LRP1B: variants seen among roughly 807,000 people sequenced by gnomAD.
The protein encoded by LRP1B is LDL receptor related protein 1B.
LRP1B carries 217 observed loss-of-function variants against 556.6 expected under a neutral mutation model. That is an observed-to-expected ratio of 0.39 (90% CI 0.35 to 0.44). The LOEUF is 0.44. Among genes scored for constraint, LRP1B ranks in the 20% least tolerant of loss-of-function variants. The probability of loss-of-function intolerance (pLI) is 1.00; values close to 1 mark genes in which losing one functional copy is unlikely to be tolerated. For missense variants in LRP1B, 5,053 were observed against 5,620.8 expected, an observed-to-expected ratio of 0.90 and a Z score of 3.23; for synonymous variants, 2,047 against 1,865.8, an observed-to-expected ratio of 1.10 and a Z score of -2.50.
At position 141,100,293 on chromosome 2, in the gene LRP1B, G is replaced by T. The variant is rs948779354; in HGVS notation, c.1014-38020C>A. Reference sequence around the variant, plus strand: ...ACTCAATAATCTCAGGTAACAGAATGTTGAATGGAGCTTTTCTTTGACCTT... The same window carrying T: ...ACTCAATAATCTCAGGTAACAGAATTTTGAATGGAGCTTTTCTTTGACCTT... On this transcript the variant is annotated intron_variant, in intron 7 of 90. Transcript: ENST00000389484. Among the ~76,000 whole-genome samples, 7 of 152,322 alleles carry T rather than the reference G, an allele frequency of 4.6e-5. 1 individual carries two copies. The highest frequency in any genetic ancestry group is 1.7e-4 in the African/African-American group (7 of 41,578).
intron 32 of LRP1B, among the ~76,000 whole-genome samples, chr2:140,811,766 C>T (rs1222441610): frequency 6.6e-6 from 1 of 151,926 alleles, no homozygotes; most frequent in Non-Finnish European, 1.5e-5. Flanking sequence ...TAAAAAAAGT[C>T]ATCTTATAGA....
chr2:141,897,161 C>T lies in LRP1B; in HGVS notation c.83-86760G>A, dbSNP rs545875101. ...CTCTGAGTTTAGGTCAGAAAAAGTCCAAAACATTCAGTCTAAGTAGCTGTC... is the reference window on the plus strand; with the variant it reads ...CTCTGAGTTTAGGTCAGAAAAAGTCTAAAACATTCAGTCTAAGTAGCTGTC... On this transcript the variant is annotated intron_variant, in intron 1 of 90. Coordinates refer to ENST00000389484, the MANE Select transcript of LRP1B (RefSeq NM_018557.3). 1.2e-4 allele frequency among the ~76,000 whole-genome samples: 18 copies of T among 151,764 alleles called. No individual in the cohort carries two copies. The East Asian group carries it at 3.3e-3, about 28-fold the overall frequency.
chr2:140,848,582 A>T (rs903257202), intron 29 of LRP1B, among the ~76,000 whole-genome samples: 6 of 152,302 alleles, frequency 3.9e-5, no homozygotes, highest in African/African-American at 1.4e-4. Context: ...CCATTGCTCA[A>T]ATATGTCTGA....
At chr2:140,563,607 T>C (rs1574083404) in intron 43 of LRP1B, among the ~76,000 whole-genome samples, 1 of 152,088 alleles carries the variant, frequency 6.6e-6, no homozygotes, top group Non-Finnish European at 1.5e-5. Context: ...ACTCAGAAAA[T>C]GGAGTACTTT....
intron 32 of LRP1B, among the ~76,000 whole-genome samples, chr2:140,795,234 ATAACAGAATCTTT>A (rs1690263288): frequency 6.6e-6 from 1 of 152,174 alleles, no homozygotes; most frequent in Non-Finnish European, 1.5e-5. Flanking sequence ...CTATGGTAAG[ATAACAGAATCTTT>A]TTTTCCTCTC....
At chr2:141,207,297 A>T (rs1340580035) in intron 6 of LRP1B, among the ~76,000 whole-genome samples, 1 of 152,224 alleles carries the variant, frequency 6.6e-6, no homozygotes, top group African/African-American at 2.4e-5. Context: ...TATTCTATAA[A>T]GATAAATTAC....
In LRP1B at chr2:140,989,562, T is replaced by C; in HGVS notation, c.2740A>G (p.Asn914Asp). 1 of 1,613,294 alleles carries C rather than the reference T, an allele frequency of 6.2e-7. No individual in the cohort carries two copies. Among genetic ancestry groups the C allele is most frequent in the Non-Finnish European group, 8.5e-7 (1 of 1,179,454 alleles). The change falls in exon 17 of 91, where the codon AAT becomes GAT. Residue 914 changes from asparagine to aspartate, a missense_variant. Around this residue, in one of 5 missense-constraint regions of LRP1B, gnomAD observed 3,619 missense variants for 3,931.9 expected, o/e 0.92. Transcript: ENST00000389484. ...CAAGTTTGATTGGATTCATCTTCATTGCTCCCACAGTCATTAGCTCCATCA... is the reference window on the plus strand; with the variant it reads ...CAAGTTTGATTGGATTCATCTTCATCGCTCCCACAGTCATTAGCTCCATCA... Reference protein sequence around the residue: ...LCDGANDCGSNEDESNQTCTA... With the variant: ...LCDGANDCGSDEDESNQTCTA...
chr2:140,956,679 T>G (rs925982589), intron 18 of LRP1B, among the ~76,000 whole-genome samples: 4 of 151,680 alleles, frequency 2.6e-5, no homozygotes, highest in African/African-American at 9.7e-5. Context: ...TACCACAAAT[T>G]GTCATCGTTT....
chr2:141,409,275 C>G (rs1024444225), intron 3 of LRP1B, among the ~76,000 whole-genome samples: 1 of 152,158 alleles, frequency 6.6e-6, no homozygotes, highest in Non-Finnish European at 1.5e-5. Context: ...AAACTGCAGA[C>G]TTTTCATACA....
At chr2:141,058,742 T>C (rs1699255036) in intron 9 of LRP1B, 141 bp downstream of exon 9, 2 of 534,770 alleles carry the variant, frequency 3.7e-6, no homozygotes, top group Non-Finnish European at 3.0e-6. Context: ...CTCTATTCCA[T>C]TTAACAAGCA....
chr2:140,375,725 ATTTC>A lies in LRP1B; in HGVS notation c.10638+2451_10638+2454del, dbSNP rs377140002. 7.5e-4 allele frequency among the ~76,000 whole-genome samples: 114 copies of A among 152,128 alleles called. No individual in the cohort carries two copies. In the South Asian group the frequency reaches 0.019, roughly 26 times the overall value. ...ACAATGTCTATGGATGCAGTTTAAGATTTCTTTGTTTTTTTGTTCTTACAACATA... is the reference window on the plus strand; with the variant it reads ...ACAATGTCTATGGATGCAGTTTAAGATTTGTTTTTTTGTTCTTACAACATA... On this transcript the variant is annotated intron_variant, in intron 68 of 90. Coordinates refer to ENST00000389484, the MANE Select transcript of LRP1B (RefSeq NM_018557.3).
chr2:140,974,457 AT>A (rs1329884909), intron 18 of LRP1B, among the ~76,000 whole-genome samples: 1 of 152,160 alleles, frequency 6.6e-6, no homozygotes, highest in Admixed American at 6.6e-5. Context: ...TGCACACACA[AT>A]TTTCAGTGCT....
intron 35 of LRP1B, among the ~76,000 whole-genome samples, chr2:140,758,056 T>A (rs1688796022): frequency 1.3e-5 from 2 of 152,158 alleles, no homozygotes; most frequent in South Asian, 4.1e-4. Flanking sequence ...CTTGTACATA[T>A]GTAAAATAAA....
chr2:141,720,285 G>T (rs1692765788), intron 2 of LRP1B, among the ~76,000 whole-genome samples: 1 of 151,954 alleles, frequency 6.6e-6, no homozygotes, highest in South Asian at 2.1e-4. Context: ...CTAGAACTTT[G>T]GTTTACATAA....
chr2:141,993,318 A>G (rs1218167470), intron 1 of LRP1B, among the ~76,000 whole-genome samples: 1 of 152,150 alleles, frequency 6.6e-6, no homozygotes, highest in Admixed American at 6.6e-5. Flanking sequence ...GATACAATCC[A>G]GGAGTCTTCA....
At chr2:140,682,704 A>G (rs1685904805) in intron 41 of LRP1B, among the ~76,000 whole-genome samples, 1 of 61,164 alleles carries the variant, frequency 1.6e-5, no homozygotes, top group Non-Finnish European at 3.8e-5. Flanking sequence ...GTGTGCGTGC[A>G]CCTTGTAGGT....
chr2:141,265,007 T>C (rs935568347), intron 3 of LRP1B, among the ~76,000 whole-genome samples: 2 of 152,016 alleles, frequency 1.3e-5, no homozygotes, highest in African/African-American at 4.8e-5. Context: ...CTGGATAACT[T>C]CCCTGTGCTG....
At position 140,855,493 on chromosome 2, in the gene LRP1B, G is replaced by GGAAAAAAAAAAA. The variant is rs570169727; in HGVS notation, c.4580-3711_4580-3710insTTTTTTTTTTTC. Among the ~76,000 whole-genome samples, 18 of 99,400 alleles carry GGAAAAAAAAAAA rather than the reference G, an allele frequency of 1.8e-4. 1 individual carries two copies. The highest frequency in any genetic ancestry group is 3.8e-4 in the African/African-American group (10 of 26,460). 65.2% of individuals were successfully genotyped at this position (99,400 alleles called of 152,430 possible). A position where few individuals can be genotyped will look rare whatever the true frequency, so the allele number is the denominator to read the frequency against. On this transcript the variant is annotated intron_variant, in intron 27 of 90. Transcript: ENST00000389484. ...GACAGGTAGGTCCCATCTCTACTGG[G>GGAAAAAAAAAAA]AAAAAAAAAAAATTTGAATGGCTTC... is the stretch of plus-strand genomic sequence containing the variant.
Position 140,350,840 on chromosome 2 carries a change from C to G in LRP1B, c.11849G>C (p.Arg3950Thr), listed in dbSNP as rs1315433009. The part of the protein sequence containing the change: ...QFNPGGIFYK[R>T]IHGREKRQAN... Reference sequence around the variant, plus strand: ...TTGCCTTTTTTCTCTGCCATGGATCCTTTTGTAGAAAATTCCGCCTGGATT... The same window carrying G: ...TTGCCTTTTTTCTCTGCCATGGATCGTTTTGTAGAAAATTCCGCCTGGATT... Residue 3950 changes from arginine (R) to threonine (T), a missense_variant, in exon 77 of 91, where the codon AGG becomes ACG. By Grantham distance (71) the Arg-to-Thr change is moderately conservative. Transcript: ENST00000389484. 6.2e-7 allele frequency: 1 copy of G among 1,611,038 alleles called. No homozygotes were observed. Among genetic ancestry groups the G allele is most frequent in the Non-Finnish European group, 8.5e-7 (1 of 1,178,472 alleles).
Sources: gnomAD v4.1 joint callset for allele counts (sites outside exome capture counted in the v4.1 genomes callset) on GRCh38, gnomAD v4.1.1 for gene constraint, gnomAD v4.1.1 regional missense constraint, MANE v1.5 for transcripts, NCBI Gene and HGNC (gene_info 2026-07-23, HGNC 2026-07-21) for gene names.